Variants in SCP2 observed in about 807,000 individuals in gnomAD.
SCP2 encodes the protein SCP-2/3-oxoacyl-CoA thiolase.
Under a neutral mutation model 71.4 loss-of-function variants are expected in SCP2, and 48 were observed. The observed-to-expected ratio is 0.67, with a 90% confidence interval of 0.53 to 0.86. The LOEUF is 0.86. Ranked by LOEUF, SCP2 falls within the 40% of genes least tolerant of loss-of-function variation. The pLI is 0.00. For synonymous variants in SCP2, 220 were observed against 218.1 expected, an observed-to-expected ratio of 1.01 and a Z score of -0.08; for missense variants, 560 against 655.6, an observed-to-expected ratio of 0.85 and a Z score of 1.59.
intron 6 of SCP2, among the ~76,000 whole-genome samples, chr1:52,963,913 A>C (rs1314807744): frequency 6.6e-6 from 1 of 152,088 alleles, no homozygotes; most frequent in Non-Finnish European, 1.5e-5. Context: ...ATTAACTTTT[A>C]GTTTTCTTGT....
intron 2 of SCP2, among the ~76,000 whole-genome samples, chr1:52,946,818 A>G (rs1442433954): frequency 2.0e-5 from 3 of 150,520 alleles, no homozygotes; most frequent in African/African-American, 4.9e-5. Flanking sequence ...GCACCTTGGG[A>G]GGCCAAGGGA....
At chr1:52,988,663 A>C (rs1659202201) in intron 11 of SCP2, among the ~76,000 whole-genome samples, 1 of 150,688 alleles carries the variant, frequency 6.6e-6, no homozygotes, top group Non-Finnish European at 1.5e-5. Flanking sequence ...CTCACCATGC[A>C]ATTCCTTTTT....
intron 11 of SCP2, among the ~76,000 whole-genome samples, chr1:53,011,992 C>T (rs1382071227): frequency 6.6e-6 from 1 of 152,192 alleles, no homozygotes; most frequent in Non-Finnish European, 1.5e-5. Context: ...GTCCCATTCT[C>T]CCCACCAAGG....
At chr1:52,997,892 A>G (rs1660043844) in intron 11 of SCP2, among the ~76,000 whole-genome samples, 1 of 152,196 alleles carries the variant, frequency 6.6e-6, no homozygotes, top group South Asian at 2.1e-4. Context: ...GCCTCCCTGA[A>G]ACATTTCTCT....
intron 6 of SCP2, among the ~76,000 whole-genome samples, chr1:52,972,685 A>G (rs987026758): frequency 2.6e-5 from 4 of 152,172 alleles, no homozygotes; most frequent in Non-Finnish European, 5.9e-5. Context: ...CTCTCACCCT[A>G]TGGTTTGCAT....
chr1:52,989,538 C>T (rs1003566156), intron 11 of SCP2, among the ~76,000 whole-genome samples: 1 of 152,150 alleles, frequency 6.6e-6, no homozygotes, highest in African/African-American at 2.4e-5. Context: ...TGGCACTGAG[C>T]AAGTCAGAAC....
intron 5 of SCP2, among the ~76,000 whole-genome samples, chr1:52,957,651 C>T (rs756695849): frequency 5.3e-5 from 8 of 152,210 alleles, no homozygotes; most frequent in Non-Finnish European, 8.8e-5. Context: ...CCTGGGCAAC[C>T]GAGGAAAATT....
chr1:53,009,723 A>T (rs1336906902), intron 11 of SCP2, among the ~76,000 whole-genome samples: 1 of 152,226 alleles, frequency 6.6e-6, no homozygotes, highest in Non-Finnish European at 1.5e-5. Flanking sequence ...ATGGGCAAGG[A>T]CTTCATGACT....
In SCP2 at chr1:52,966,553, A is replaced by G. The variant is rs1366787022; in HGVS notation, c.523+4924A>G. Among the ~76,000 whole-genome samples, 6 of 151,972 alleles carry G rather than the reference A, an allele frequency of 3.9e-5. No homozygotes were observed. The East Asian group carries it at 1.2e-3, about 29-fold the overall frequency. Reference sequence around the variant, plus strand: ...TTATTTGTAAGTGATATATATATATATATTTTATTGTTATCAAGTTTGGGT... The same window carrying G: ...TTATTTGTAAGTGATATATATATATGTATTTTATTGTTATCAAGTTTGGGT... On this transcript the variant is annotated intron_variant, in intron 6 of 15. Coordinates refer to ENST00000371514, the MANE Select transcript of SCP2 (RefSeq NM_002979.5).
intron 12 of SCP2, among the ~76,000 whole-genome samples, chr1:53,023,796 T>C (rs752302944): frequency 9.9e-5 from 15 of 152,150 alleles, no homozygotes; most frequent in Non-Finnish European, 2.2e-4. Context: ...TCCCTGTTCA[T>C]ATATTAATAT....
At chr1:52,937,250 G>T (rs1572046725) in intron 1 of SCP2, among the ~76,000 whole-genome samples, 1 of 152,178 alleles carries the variant, frequency 6.6e-6, no homozygotes, top group East Asian at 1.9e-4. Context: ...AGAAATATCT[G>T]AAAGAATTGA....
chr1:52,977,552 TG>T (rs1658088033), intron 8 of SCP2, among the ~76,000 whole-genome samples: 1 of 152,362 alleles, frequency 6.6e-6, no homozygotes, highest in South Asian at 2.1e-4. Context: ...AAGTTGGAGC[TG>T]GGGCGGTCTG....
chr1:52,954,673 G>A (rs1409749612), intron 4 of SCP2, 67 bp from the exon 5 acceptor site: 1 of 1,208,896 alleles, frequency 8.3e-7, no homozygotes, highest in Non-Finnish European at 1.2e-6. Flanking sequence ...TTGAATTGAA[G>A]TATTTAATGG....
At chr1:52,932,220 C>T (rs957926337) in intron 1 of SCP2, among the ~76,000 whole-genome samples, 7 of 151,830 alleles carry the variant, frequency 4.6e-5, no homozygotes, top group East Asian at 1.9e-4. Context: ...AAAGCCAATC[C>T]GATGAATAAA....
chr1:52,977,966 C>CAAA (rs57875662), intron 8 of SCP2, among the ~76,000 whole-genome samples: 1 of 114,934 alleles, frequency 8.7e-6, no homozygotes, highest in Non-Finnish European at 1.9e-5. Context: ...AACTCCATCT[C>CAAA]AAAAAAAAAA....
intron 14 of SCP2, 46 bp downstream of exon 14, chr1:53,039,092 G>A (rs145516725): frequency 3.1e-6 from 5 of 1,611,834 alleles, no homozygotes; most frequent in African/African-American, 2.7e-5. Flanking sequence ...ACGAGTTTAC[G>A]AAGGCTGTCA....
intron 13 of SCP2, among the ~76,000 whole-genome samples, 188 bp from the exon 14 acceptor site, chr1:53,038,729 C>G (rs1220861509): frequency 6.6e-6 from 1 of 152,146 alleles, no homozygotes; most frequent in Non-Finnish European, 1.5e-5. Flanking sequence ...TAATAAAAGA[C>G]TTGGCAGATG....
chr1:53,030,095 G>T (rs1662428499), intron 13 of SCP2, among the ~76,000 whole-genome samples: 1 of 152,072 alleles, frequency 6.6e-6, no homozygotes, highest in African/African-American at 2.4e-5. Context: ...CACCATATTT[G>T]CCAGGGTGGT....
intron 6 of SCP2, among the ~76,000 whole-genome samples, chr1:52,965,990 G>A (rs1483297731): frequency 6.6e-6 from 1 of 151,906 alleles, no homozygotes; most frequent in African/African-American, 2.4e-5. Flanking sequence ...CTATCTCACT[G>A]AAGTTTTTAA....
Sources: gnomAD v4.1 joint callset for allele counts (sites outside exome capture counted in the v4.1 genomes callset) on GRCh38, gnomAD v4.1.1 for gene constraint, MANE v1.5 for transcripts, NCBI Gene and HGNC (gene_info 2026-07-23, HGNC 2026-07-21) for gene names.